The following CDON variants were observed in gnomAD, a reference collection of about 807,000 sequenced individuals.
The protein encoded by CDON is cell adhesion molecule-related/down-regulated by oncogenes.
Under a neutral mutation model 120.9 loss-of-function variants are expected in CDON, and 73 were observed. The ratio of observed to expected loss-of-function variants is 0.60; its 90% CI spans 0.50 to 0.73. The LOEUF (loss-of-function observed/expected upper bound fraction) is 0.73. Ranked by LOEUF, CDON falls within the 30% of genes least tolerant of loss-of-function variation. The probability of loss-of-function intolerance (pLI) is 0.00; values close to 1 mark genes in which losing one functional copy is unlikely to be tolerated. For missense variants in CDON, 1,470 were observed against 1,587.3 expected (o/e 0.93, Z 1.26); for synonymous variants, 566 against 573.5 (o/e 0.99, Z 0.19).
At chr11:126,012,611 G>A (rs1947341292) in intron 7 of CDON, among the ~76,000 whole-genome samples, 1 of 145,886 alleles carries the variant, frequency 6.9e-6, no homozygotes, top group South Asian at 2.2e-4. Context: ...GTTTCACTGT[G>A]TTGCCCAGGC....
intron 18 of CDON, among the ~76,000 whole-genome samples, chr11:125,964,619 AG>A (rs1945738423): frequency 6.6e-6 from 1 of 152,058 alleles, no homozygotes; most frequent in Admixed American, 6.6e-5. Flanking sequence ...AAAAAAAAAA[AG>A]GTTACAATAT....
At chr11:126,009,127 A>T (rs1453471166) in intron 8 of CDON, among the ~76,000 whole-genome samples, 1 of 152,182 alleles carries the variant, frequency 6.6e-6, no homozygotes, top group African/African-American at 2.4e-5. Context: ...CAGAGCCAGG[A>T]TTCTGACACA....
At chr11:126,032,719 G>GT (rs1312956037) in intron 1 of CDON, among the ~76,000 whole-genome samples, 9 of 152,136 alleles carry the variant, frequency 5.9e-5, no homozygotes, top group Non-Finnish European at 1.0e-4. Context: ...TTTAAAAGAC[G>GT]TAAGAGGCCA....
intron 1 of CDON, among the ~76,000 whole-genome samples, chr11:126,047,424 T>C (rs1240716933): frequency 6.6e-6 from 1 of 152,140 alleles, no homozygotes; most frequent in African/African-American, 2.4e-5. Flanking sequence ...TTCTAGTTAC[T>C]CCCACGGCAA....
intron 18 of CDON, among the ~76,000 whole-genome samples, chr11:125,963,026 A>AT (rs1003481380): frequency 2.6e-5 from 4 of 151,460 alleles, no homozygotes; most frequent in Non-Finnish European, 5.9e-5. Context: ...TTTAAACTAG[A>AT]TTTTCCTTTT....
At chr11:125,997,074 G>A (rs945181528) in intron 12 of CDON, 133 bp downstream of exon 12, 1 of 742,334 alleles carries the variant, frequency 1.3e-6, no homozygotes, top group Non-Finnish European at 2.4e-6. Context: ...CTACTTGGGA[G>A]GCTGAGGTAA....
At chr11:125,998,581 C>T (rs1946853639) in intron 11 of CDON, among the ~76,000 whole-genome samples, 2 of 152,124 alleles carry the variant, frequency 1.3e-5, no homozygotes, top group Admixed American at 1.3e-4. Flanking sequence ...AACCTCTTTT[C>T]TTTATAAATT....
rs1948415064 is a variant in CDON, at chr11:126,046,653, A to G, written c.-62+15926T>C. 2.0e-5 allele frequency among the ~76,000 whole-genome samples: 3 copies of G among 152,140 alleles called. No individual in the cohort carries two copies. The South Asian group carries it at 6.2e-4, about 32-fold the overall frequency. On this transcript the variant is annotated intron_variant, in intron 1 of 19. Transcript: ENST00000531738. ...CGATTCTACAACACCTTCTGGCTCC[A>G]GTTTTTTGGATCCCCCTCCATTACT...
chr11:125,999,611 T>A (rs1215759696), intron 11 of CDON, among the ~76,000 whole-genome samples: 1 of 152,176 alleles, frequency 6.6e-6, no homozygotes, highest in Non-Finnish European at 1.5e-5. Flanking sequence ...ACCTAAAAAC[T>A]CTTACTACTT....
At chr11:126,032,153 G>A (rs2134763851) in intron 1 of CDON, among the ~76,000 whole-genome samples, 1 of 152,248 alleles carries the variant, frequency 6.6e-6, no homozygotes, top group South Asian at 2.1e-4. Flanking sequence ...ATGAGAAAGG[G>A]ACAGGTAAGC....
At chr11:125,993,573 C>CA (rs1946694961) in intron 14 of CDON, among the ~76,000 whole-genome samples, 1 of 152,136 alleles carries the variant, frequency 6.6e-6, no homozygotes, top group African/African-American at 2.4e-5. Context: ...ACTTGACTGT[C>CA]AAACATTTTG....
chr11:126,015,274 T>C lies in CDON; in HGVS notation c.1165A>G (p.Met389Val). Reference sequence around the variant, plus strand: ...ATTTCAAGTCTTCCAGTAGAGTGCATAAATCCAATCCCATTATCTGCTACA... The same window carrying C: ...ATTTCAAGTCTTCCAGTAGAGTGCACAAATCCAATCCCATTATCTGCTACA... ...QCVADNGIGF[M>V]HSTGRLEIEN... is the part of the protein sequence containing the mutation. Residue 389 changes from methionine to valine, a missense_variant, in exon 7 of 20, where the codon ATG becomes GTG. Coordinates refer to ENST00000531738, the MANE Select transcript of CDON (RefSeq NM_001378964.1). The C allele has an allele frequency of 6.2e-7, 1 of 1,614,148 alleles. No individual in the cohort carries two copies. The highest frequency in any genetic ancestry group is 8.5e-7 in the Non-Finnish European group (1 of 1,180,008).
At chr11:125,994,133 A>G in intron 14 of CDON, 151 bp downstream of exon 14, 2 of 664,408 alleles carry the variant, frequency 3.0e-6, no homozygotes, top group South Asian at 3.3e-5. Flanking sequence ...TAAGCGGGAA[A>G]AGGTGGCTTT....
intron 1 of CDON, among the ~76,000 whole-genome samples, chr11:126,051,652 CTT>C (rs66575795): frequency 7.1e-6 from 1 of 139,970 alleles, no homozygotes; most frequent in Non-Finnish European, 1.5e-5. Flanking sequence ...TATTTTTTTT[CTT>C]TTTTTTTTTT....
In CDON at chr11:125,978,364, G is replaced by C; in HGVS notation, c.3296C>G (p.Ala1099Gly). The change falls in exon 18 of 20, where the codon GCC (alanine) becomes GGC (glycine). Residue 1099 changes from alanine (A) to glycine (G), a missense_variant. Ala to Gly is a moderately conservative substitution (Grantham distance 60, BLOSUM62 0). Transcript: ENST00000531738. ...HLVNGGGMYT[A>G]VPQIDPLECV... Reference sequence around the variant, plus strand: ...CTCCAGAGGGTCAATCTGAGGCACGGCCGTGTACATTCCACCACCCTGGAC... The same window carrying C: ...CTCCAGAGGGTCAATCTGAGGCACGCCCGTGTACATTCCACCACCCTGGAC... 2 of 1,608,324 alleles carry C rather than the reference G, an allele frequency of 1.2e-6. No individual in the cohort carries two copies. Among genetic ancestry groups the C allele is most frequent in the Non-Finnish European group, 1.7e-6 (2 of 1,176,208 alleles).
At chr11:126,008,028 A>G (rs1324925139) in intron 8 of CDON, among the ~76,000 whole-genome samples, 1 of 152,226 alleles carries the variant, frequency 6.6e-6, no homozygotes, top group African/African-American at 2.4e-5. Context: ...CTAATTAAAC[A>G]GGGAGGGAGT....
intron 14 of CDON, among the ~76,000 whole-genome samples, chr11:125,990,338 C>T (rs1409123937): frequency 6.6e-6 from 1 of 152,198 alleles, no homozygotes; most frequent in South Asian, 2.1e-4. Context: ...TTGGCCACCA[C>T]CCCCACTCCT....
At chr11:125,984,366 C>T (rs1353400774) in intron 15 of CDON, among the ~76,000 whole-genome samples, 1 of 152,210 alleles carries the variant, frequency 6.6e-6, no homozygotes, top group Non-Finnish European at 1.5e-5. Flanking sequence ...ATCTGCTTAA[C>T]TGTACTTGGA....
chr11:125,965,518 G>A (rs556061946), intron 18 of CDON, among the ~76,000 whole-genome samples: 1 of 152,160 alleles, frequency 6.6e-6, no homozygotes, highest in Non-Finnish European at 1.5e-5. Flanking sequence ...ATAAGAAGCT[G>A]AGCAGAACTT....
Sources: allele counts gnomAD v4.1 joint callset (sites outside exome capture counted in the v4.1 genomes callset), GRCh38; gene constraint gnomAD v4.1.1; transcripts MANE v1.5; gene names NCBI Gene and HGNC (gene_info 2026-07-23, HGNC 2026-07-21).